Variants in NEDD1 observed in about 807,000 individuals in gnomAD.
NEDD1 encodes NEDD1 gamma-tubulin ring complex targeting factor.
A neutral mutation model predicts 74.0 loss-of-function variants in NEDD1; 33 were observed. The ratio of observed to expected loss-of-function variants is 0.45; its 90% CI spans 0.34 to 0.60. The LOEUF (loss-of-function observed/expected upper bound fraction) is 0.60. Ranked by LOEUF, NEDD1 falls within the 20% of genes least tolerant of loss-of-function variation. The pLI, the probability that NEDD1 is intolerant of heterozygous loss-of-function variation, is 0.01. For missense variants in NEDD1, 746 were observed against 776.5 expected, an observed-to-expected ratio of 0.96 and a Z score of 0.47; for synonymous variants, 250 against 264.4, an observed-to-expected ratio of 0.95 and a Z score of 0.53.
At chr12:96,941,314 A>G (rs1030078859) in intron 10 of NEDD1, among the ~76,000 whole-genome samples, 3 of 152,000 alleles carry the variant, frequency 2.0e-5, no homozygotes, top group African/African-American at 7.2e-5. Flanking sequence ...ATCTTATACA[A>G]TTTCATTTTT....
intron 6 of NEDD1, among the ~76,000 whole-genome samples, chr12:96,924,607 T>A (rs183545091): frequency 1.3e-5 from 2 of 152,300 alleles, no homozygotes; most frequent in East Asian, 3.9e-4. Context: ...TTCCTATTCT[T>A]TGTGGCTTGT....
intron 12 of NEDD1, among the ~76,000 whole-genome samples, chr12:96,944,045 A>G (rs1413566545): frequency 6.6e-6 from 1 of 152,126 alleles, no homozygotes; most frequent in Non-Finnish European, 1.5e-5. Context: ...AGTGTATTTC[A>G]TTGCAGTATA....
intron 2 of NEDD1, among the ~76,000 whole-genome samples, chr12:96,908,535 T>C (rs6538752): frequency 0.92 from 139,708 of 152,242 alleles, 64,178 homozygotes; most frequent in African/African-American, 0.97. Context: ...AAAGTGCCTG[T>C]CTAGAGCAGC....
At chr12:96,923,079 T>G (rs546104196) in intron 6 of NEDD1, among the ~76,000 whole-genome samples, 7 of 151,992 alleles carry the variant, frequency 4.6e-5, no homozygotes, top group Non-Finnish European at 1.0e-4. Context: ...ATTGTGCCAC[T>G]GCACTCCAGC....
intron 4 of NEDD1, among the ~76,000 whole-genome samples, chr12:96,916,289 T>C (rs1003722159): frequency 6.7e-6 from 1 of 149,326 alleles, no homozygotes; most frequent in African/African-American, 2.5e-5. Context: ...AGTTTTAGGG[T>C]ACATGTGCAC....
In NEDD1 at chr12:96,952,270, A is replaced by G; in HGVS notation, c.*217A>G. On this transcript the variant is annotated 3_prime_UTR_variant, in exon 16 of 16. Coordinates refer to ENST00000266742, the MANE Select transcript of NEDD1 (RefSeq NM_152905.4). ...CAGTATGTCATCTACCCAATAGGAA[A>G]GTCAACAGGATCTTTATTTTTTGAA... 3.3e-6 allele frequency: 1 copy of G among 302,542 alleles called. No individual in the cohort carries two copies. The highest frequency in any genetic ancestry group is 6.0e-6 in the Non-Finnish European group (1 of 167,052). 18.7% of individuals were successfully genotyped at this position (302,542 alleles called of 1,614,324 possible). A position where few individuals can be genotyped will look rare whatever the true frequency, so the allele number is the denominator to read the frequency against.
intron 1 of NEDD1, 64 bp from the exon 2 acceptor site, chr12:96,907,540 G>C (rs886553474): frequency 2.1e-6 from 3 of 1,429,080 alleles, no homozygotes; most frequent in African/African-American, 2.8e-5. Flanking sequence ...CCTCCGAAAA[G>C]TTTGCCTCGT....
In NEDD1 at chr12:96,909,611, C is replaced by T. The variant is rs1592849717; in HGVS notation, c.-8-141C>T. On this transcript the variant is annotated intron_variant, in intron 2 of 15. Transcript: ENST00000266742. ...CCTGGCTTATGTTTTAGGAAAATCA[C>T]TTCAACTGCTTTGGTGACTGCACTG... 17 of 641,642 alleles carry T rather than the reference C, an allele frequency of 2.6e-5. No homozygotes were observed. In the East Asian group the frequency reaches 4.8e-4, roughly 18 times the overall value. The allele number at this position is 641,642 out of a possible 1,614,324, so 39.7% of individuals were successfully genotyped here.
chr12:96,930,560 T>C (rs1454778555), intron 6 of NEDD1, among the ~76,000 whole-genome samples: 3 of 152,122 alleles, frequency 2.0e-5, no homozygotes, highest in South Asian at 2.1e-4. Flanking sequence ...TTGGGGGGGC[T>C]GGTTATATCT....
At chr12:96,940,698 A>G (rs1390472942) in intron 10 of NEDD1, among the ~76,000 whole-genome samples, 161 bp downstream of exon 10, 1 of 152,014 alleles carries the variant, frequency 6.6e-6, no homozygotes, top group Non-Finnish European at 1.5e-5. Flanking sequence ...TGATATTTCA[A>G]ATGTTATCAT....
At position 96,945,759 on chromosome 12, in the gene NEDD1, G is replaced by A. The variant is rs766594501; in HGVS notation, c.1721G>A (p.Ser574Asn). 6.2e-7 allele frequency: 1 copy of A among 1,607,932 alleles called. No homozygotes were observed. The highest frequency in any genetic ancestry group is 1.7e-5 in the Admixed American group (1 of 59,984). The change falls in exon 14 of 16, where the codon AGC becomes AAC. Residue 574 changes from serine (S) to asparagine (N), a missense_variant. Coordinates refer to ENST00000266742, the MANE Select transcript of NEDD1 (RefSeq NM_152905.4). ...TCACTCTCAGAAAAAATAGCCGACA[G>A]CATTGGAAATAACCGGCAAAATGCA... is the stretch of plus-strand genomic sequence containing the variant. Reference protein sequence around the residue: ...ASSLSEKIADSIGNNRQNAPL... With the variant: ...ASSLSEKIADNIGNNRQNAPL...
At chr12:96,925,423 T>C (rs753306174) in intron 6 of NEDD1, among the ~76,000 whole-genome samples, 1 of 152,228 alleles carries the variant, frequency 6.6e-6, no homozygotes, top group Non-Finnish European at 1.5e-5. Context: ...TTGTGAGGTA[T>C]ATGTTCTCAT....
Position 96,940,438 on chromosome 12 carries a change from TTATC to T in NEDD1, c.1150_1153del (p.Ser384ArgfsTer22), listed in dbSNP as rs771684034. On this transcript the variant is annotated frameshift_variant, in exon 10 of 16. Transcript: ENST00000266742. LOFTEE classifies it high-confidence loss of function. ...GCCTCGAAGCATAAACACAGACACTTTATCTAAGGAAACAGACAGTGGAAAAAAT... is the reference window on the plus strand; with the variant it reads ...GCCTCGAAGCATAAACACAGACACTTTAAGGAAACAGACAGTGGAAAAAAT... 5 of 1,601,110 alleles carry T rather than the reference TTATC, an allele frequency of 3.1e-6. No individual in the cohort carries two copies. The highest frequency in any genetic ancestry group is 4.5e-5 in the East Asian group (2 of 44,676).
intron 6 of NEDD1, chr12:96,924,825 T>C (rs551318933): frequency 3.3e-5 from 15 of 452,542 alleles, no homozygotes; most frequent in African/African-American, 3.0e-4. Context: ...CTTTATTGCG[T>C]TGACTAGGCT....
chr12:96,912,587 T>C (rs1018542677), intron 3 of NEDD1, 136 bp from the exon 4 acceptor site: 1 of 507,302 alleles, frequency 2.0e-6, no homozygotes, highest in East Asian at 3.2e-5. Flanking sequence ...ATGTGAGCCA[T>C]TTTTGAAAGC....
At chr12:96,909,006 G>A (rs925709595) in intron 2 of NEDD1, among the ~76,000 whole-genome samples, 10 of 151,804 alleles carry the variant, frequency 6.6e-5, no homozygotes, top group Non-Finnish European at 1.3e-4. Flanking sequence ...GAGAAACCCC[G>A]TCTCTACTAA....
intron 15 of NEDD1, among the ~76,000 whole-genome samples, chr12:96,951,746 C>G (rs542475061): frequency 1.3e-5 from 2 of 151,714 alleles, no homozygotes; most frequent in African/African-American, 4.8e-5. Flanking sequence ...TTTAAATGTG[C>G]AAATATAAAT....
At chr12:96,912,391 T>C (rs1349166298) in intron 3 of NEDD1, among the ~76,000 whole-genome samples, 2 of 152,218 alleles carry the variant, frequency 1.3e-5, no homozygotes, top group African/African-American at 4.8e-5. Flanking sequence ...TGATATTTGC[T>C]GATGCTGCTT....
At chr12:96,928,201 A>T (rs1454235122) in intron 6 of NEDD1, among the ~76,000 whole-genome samples, 2 of 152,074 alleles carry the variant, frequency 1.3e-5, no homozygotes, top group African/African-American at 4.8e-5. Context: ...TGTTTGTCCA[A>T]TCATGTTTTC....
Sources: gnomAD v4.1 joint callset for allele counts (sites outside exome capture counted in the v4.1 genomes callset) on GRCh38, gnomAD v4.1.1 for gene constraint, MANE v1.5 for transcripts, NCBI Gene and HGNC (gene_info 2026-07-23, HGNC 2026-07-21) for gene names.